SVOPL: variants seen among roughly 807,000 people sequenced by gnomAD.
SVOPL encodes putative transporter SVOPL.
Under a neutral mutation model 61.0 loss-of-function variants are expected in SVOPL, and 60 were observed. The observed-to-expected ratio is 0.98, with a 90% CI of 0.80 to 1.22. The LOEUF (loss-of-function observed/expected upper bound fraction) is 1.22, where lower values mean the gene tolerates loss of function less well. Ranked by LOEUF, SVOPL falls within the 50% of genes most tolerant of loss-of-function variation. SVOPL has a pLI of 0.00. For missense variants in SVOPL, 662 were observed against 643.9 expected (o/e 1.03, Z -0.30); for synonymous variants, 279 against 250.0 (o/e 1.12, Z -1.09).
intron 11 of SVOPL, 44 bp downstream of exon 11, chr7:138,628,114 G>A (rs1270915971): frequency 6.2e-7 from 1 of 1,608,228 alleles, no homozygotes; most frequent in South Asian, 1.1e-5. Flanking sequence ...AGTGCACATA[G>A]ACCACCCAAG....
chr7:138,649,979 G>A (rs1339040696), intron 7 of SVOPL, among the ~76,000 whole-genome samples: 2 of 151,954 alleles, frequency 1.3e-5, no homozygotes, highest in African/African-American at 4.8e-5. Context: ...TTATAGGCGC[G>A]TGCCACCACA....
intron 7 of SVOPL, among the ~76,000 whole-genome samples, chr7:138,655,807 G>C (rs1020819657): frequency 4.0e-5 from 6 of 151,880 alleles, no homozygotes; most frequent in African/African-American, 1.5e-4. Flanking sequence ...GTGATTTCTT[G>C]AGATGAAATC....
Position 138,608,967 on chromosome 7 carries a change from T to C in SVOPL, c.1353+12079A>G, listed in dbSNP as rs190499939. On this transcript the variant is annotated intron_variant, in intron 14 of 15. Transcript: ENST00000674285. ...ATAGACAAACCCACCCACCCACACA[T>C]ATATATACACACATATTTATGAAAG... 1.7e-3 allele frequency among the ~76,000 whole-genome samples: 257 copies of C among 152,164 alleles called. 5 individuals are homozygous for C. The highest frequency in any genetic ancestry group is 0.015 in the Admixed American group (222 of 15,284).
chr7:138,672,379 A>C (rs1473276882), intron 3 of SVOPL, among the ~76,000 whole-genome samples: 1 of 152,172 alleles, frequency 6.6e-6, no homozygotes, highest in African/African-American at 2.4e-5. Context: ...GATTTTGCTG[A>C]CCAATGCAGT....
chr7:138,663,118 T>G lies in SVOPL; in HGVS notation c.301A>C (p.Ser101Arg). ...TMVFFGYMVF[S>R]ILFGLLADRY... The stretch of plus-strand genomic sequence containing the variant: ...TCAGCCAGGAGGCCAAAGAGGATAC[T>G]GAAAACCATGTAGCCAAAAAACACC... The change falls in exon 5 of 16, where the codon AGT (serine) becomes CGT (arginine). Residue 101 changes from serine (S) to arginine (R), a missense_variant. Transcript: ENST00000674285. The G allele has an allele frequency of 6.2e-7, 1 of 1,614,122 alleles. No individual in the cohort carries two copies. Among genetic ancestry groups the G allele is most frequent in the Non-Finnish European group, 8.5e-7 (1 of 1,180,038 alleles).
chr7:138,654,343 C>T (rs74446037), intron 7 of SVOPL, among the ~76,000 whole-genome samples: 240 of 152,178 alleles, frequency 1.6e-3, no homozygotes, highest in African/African-American at 4.1e-3. Flanking sequence ...TTTGATTACA[C>T]GAATGTATTA....
intron 7 of SVOPL, among the ~76,000 whole-genome samples, chr7:138,652,541 T>C (rs1159257488): frequency 2.0e-5 from 3 of 152,184 alleles, no homozygotes; most frequent in African/African-American, 7.2e-5. Context: ...GAGGAAGGCA[T>C]GTCGAAAGCT....
chr7:138,648,786 G>T (rs1486343606), intron 8 of SVOPL, among the ~76,000 whole-genome samples: 1 of 151,964 alleles, frequency 6.6e-6, no homozygotes, highest in Non-Finnish European at 1.5e-5. Context: ...GCTGGGTATG[G>T]TGGCACATGA....
intron 4 of SVOPL, among the ~76,000 whole-genome samples, chr7:138,664,792 C>G: frequency 7.3e-6 from 1 of 136,684 alleles, no homozygotes; most frequent in East Asian, 2.4e-4. Context: ...TCACCCCCAG[C>G]TCTTCCTCCT....
intron 14 of SVOPL, among the ~76,000 whole-genome samples, chr7:138,605,991 TA>T (rs770873324): frequency 9.5e-5 from 7 of 73,718 alleles, no homozygotes; most frequent in African/African-American, 1.9e-4. Flanking sequence ...AATTTTTTTT[TA>T]AATTGTTTTT....
Position 138,689,439 on chromosome 7 carries a change from G to A in SVOPL, c.-34-10360C>T. ...CATCGAGATGATCCTTACTGAAAAGGAACAGATTGTTCCTAAACCAGAAGA... is the reference window on the plus strand; with the variant it reads ...CATCGAGATGATCCTTACTGAAAAGAAACAGATTGTTCCTAAACCAGAAGA... On this transcript the variant is annotated intron_variant, in intron 1 of 15. Transcript: ENST00000674285. 3 of 1,180,048 alleles carry A rather than the reference G, an allele frequency of 2.5e-6. No individual in the cohort carries two copies. In the South Asian group the frequency reaches 3.6e-5, roughly 14 times the overall value. 73.1% of individuals were successfully genotyped at this position (1,180,048 alleles called of 1,614,324 possible). A position where few individuals can be genotyped will look rare whatever the true frequency, so the allele number is the denominator to read the frequency against.
intron 13 of SVOPL, among the ~76,000 whole-genome samples, chr7:138,623,329 G>A (rs948133833): frequency 2.6e-5 from 4 of 152,100 alleles, no homozygotes; most frequent in Non-Finnish European, 4.4e-5. Context: ...GGCTGGGCAC[G>A]GTGGCTCACG....
intron 1 of SVOPL, among the ~76,000 whole-genome samples, chr7:138,692,337 G>C (rs1330188147): frequency 6.6e-6 from 1 of 152,144 alleles, no homozygotes; most frequent in African/African-American, 2.4e-5. Flanking sequence ...GAGTAGTGAT[G>C]GGAGGTGAAG....
chr7:138,621,822 G>GTATCTATCTATCTATCTATGTATCTATC (rs113136641), intron 13 of SVOPL, among the ~76,000 whole-genome samples: 1 of 13,418 alleles, frequency 7.5e-5, no homozygotes, highest in Admixed American at 9.1e-4. Flanking sequence ...ATGTATCTAT[G>GTATCTATCTATCTATCTATGTATCTATC]TATCTATGTA....
In SVOPL at chr7:138,681,994, G is replaced by A. The variant is rs989803564; in HGVS notation, c.-34-2915C>T. Among the ~76,000 whole-genome samples the A allele has an allele frequency of 1.6e-4, 25 of 152,130 alleles. 1 individual carries two copies. The highest frequency in any genetic ancestry group is 5.8e-4 in the African/African-American group (24 of 41,420). ...ACCTCATTGATCACCTTTGGAGAAT[G>A]GTAAGAAATAAACTCATTCTGAAAA... On this transcript the variant is annotated intron_variant, in intron 1 of 15. Transcript: ENST00000674285.
chr7:138,596,746 T>C, intron 14 of SVOPL: 5 of 1,228,920 alleles, frequency 4.1e-6, no homozygotes, highest in Non-Finnish European at 4.1e-6. Context: ...TTAACACGCA[T>C]TGGCCAGGTA....
At chr7:138,693,529 A>AAAAGAAAGAAGAAAG (rs1802990290) in intron 1 of SVOPL, among the ~76,000 whole-genome samples, 1 of 117,086 alleles carries the variant, frequency 8.5e-6, no homozygotes, top group Non-Finnish European at 1.7e-5. Flanking sequence ...AAAAGAAAGA[A>AAAAGAAAGAAGAAAG]AAAGAAAGAA....
intron 9 of SVOPL, among the ~76,000 whole-genome samples, chr7:138,634,044 G>A (rs980634354): frequency 6.6e-6 from 1 of 152,214 alleles, no homozygotes; most frequent in Non-Finnish European, 1.5e-5. Flanking sequence ...GAGGTCAGAA[G>A]AGCCTTTCCC....
intron 1 of SVOPL, among the ~76,000 whole-genome samples, chr7:138,679,373 G>A (rs568857601): frequency 2.5e-4 from 38 of 152,122 alleles, no homozygotes; most frequent in African/African-American, 8.4e-4. Context: ...GAGTTCAAGC[G>A]ATTCTCGTGC....
Sources: gnomAD v4.1 joint callset for allele counts (sites outside exome capture counted in the v4.1 genomes callset) on GRCh38, gnomAD v4.1.1 for gene constraint, MANE v1.5 for transcripts, NCBI Gene and HGNC (gene_info 2026-07-23, HGNC 2026-07-21) for gene names.